NFIA: variants seen among roughly 807,000 people sequenced by gnomAD.
NFIA encodes the protein nuclear factor I A.
Under a neutral mutation model 62.8 loss-of-function variants are expected in NFIA, and 8 were observed. That is an observed-to-expected ratio of 0.13 (90% CI 0.07 to 0.23). The LOEUF (loss-of-function observed/expected upper bound fraction) is 0.23, where lower values mean the gene tolerates loss of function less well. Ranked by LOEUF, NFIA falls within the 10% of genes least tolerant of loss-of-function variation. The pLI, the probability that NFIA is intolerant of heterozygous loss-of-function variation, is 1.00. For missense variants in NFIA, 410 were observed against 642.1 expected (o/e 0.64, Z 3.91); for synonymous variants, 235 against 238.1 (o/e 0.99, Z 0.12).
chr1:61,100,973 C>T (rs1401228414), intron 2 of NFIA, among the ~76,000 whole-genome samples: 4 of 150,526 alleles, frequency 2.7e-5, no homozygotes, highest in Non-Finnish European at 5.9e-5. Flanking sequence ...TGGTATATGT[C>T]GAGGAATTCT....
chr1:61,333,834 C>T (rs1246480566), intron 4 of NFIA, among the ~76,000 whole-genome samples: 2 of 152,054 alleles, frequency 1.3e-5, no homozygotes, highest in East Asian at 3.9e-4. Context: ...CCCGTCTCGA[C>T]TAAAAATACA....
chr1:61,219,125 G>A (rs1653840114), intron 2 of NFIA, among the ~76,000 whole-genome samples: 1 of 151,456 alleles, frequency 6.6e-6, no homozygotes, highest in South Asian at 2.1e-4. Context: ...CCAGTTACTC[G>A]AGAGGCTGAG....
intron 10 of NFIA, among the ~76,000 whole-genome samples, chr1:61,438,284 C>G (rs1248541849): frequency 1.3e-5 from 2 of 152,128 alleles, no homozygotes; most frequent in Admixed American, 6.5e-5. Context: ...AAGACTCAGT[C>G]TAGTTAGGAT....
chr1:61,267,831 T>G (rs1657267225), intron 2 of NFIA, among the ~76,000 whole-genome samples: 1 of 152,304 alleles, frequency 6.6e-6, no homozygotes, highest in Non-Finnish European at 1.5e-5. Flanking sequence ...TTATCCTGAT[T>G]AGGAGCTTTT....
chr1:61,404,138 C>T lies in NFIA; in HGVS notation c.1110C>T (p.Phe370=). ...SPHATPSTLH[F]PTSPIIQQPG... ...ATGCAACACCATCGACTCTTCATTTCCCGACATCACCCATTATCCAGCAGC... is the reference window on the plus strand; with the variant it reads ...ATGCAACACCATCGACTCTTCATTTTCCGACATCACCCATTATCCAGCAGC... The change falls in exon 8 of 11, where the codon TTC becomes TTT. Residue 370 remains phenylalanine, a synonymous_variant. Coordinates refer to ENST00000403491, the MANE Select transcript of NFIA (RefSeq NM_001134673.4). The T allele has an allele frequency of 6.2e-7, 1 of 1,614,168 alleles. No individual in the cohort carries two copies. Among genetic ancestry groups the T allele is most frequent in the Non-Finnish European group, 8.5e-7 (1 of 1,180,022 alleles).
intron 3 of NFIA, among the ~76,000 whole-genome samples, chr1:61,308,682 C>T (rs940661746): frequency 6.6e-6 from 1 of 152,182 alleles, no homozygotes; most frequent in African/African-American, 2.4e-5. Flanking sequence ...TCAAGCAAAT[C>T]ATTTAAACTT....
chr1:61,237,009 A>G (rs1361942606), intron 2 of NFIA, among the ~76,000 whole-genome samples: 1 of 152,154 alleles, frequency 6.6e-6, no homozygotes, highest in Non-Finnish European at 1.5e-5. Flanking sequence ...TCTCAAGTCC[A>G]GTCTAATATA....
At chr1:61,379,975 T>A (rs955772568) in intron 6 of NFIA, among the ~76,000 whole-genome samples, 1 of 152,210 alleles carries the variant, frequency 6.6e-6, no homozygotes, top group Non-Finnish European at 1.5e-5. Context: ...TGAAAGCCAC[T>A]ACATGACTAG....
chr1:61,201,721 A>G (rs1006141765), intron 2 of NFIA, among the ~76,000 whole-genome samples: 6 of 152,142 alleles, frequency 3.9e-5, no homozygotes, highest in African/African-American at 1.4e-4. Flanking sequence ...CTATTAGACA[A>G]AGCGAAGGCA....
At chr1:61,136,605 T>G (rs947502112) in intron 2 of NFIA, among the ~76,000 whole-genome samples, 2 of 152,208 alleles carry the variant, frequency 1.3e-5, no homozygotes, top group Non-Finnish European at 2.9e-5. Context: ...GATTTAGAAA[T>G]TAATTTTATT....
chr1:61,283,581 CAAA>C (rs576613886), intron 3 of NFIA, among the ~76,000 whole-genome samples: 54 of 36,686 alleles, frequency 1.5e-3, no homozygotes, highest in Middle Eastern at 0.021. Context: ...GACTCTGTCT[CAAA>C]AAAAAAAAAA....
chr1:61,225,432 G>A (rs1035512731), intron 2 of NFIA, among the ~76,000 whole-genome samples: 3 of 151,826 alleles, frequency 2.0e-5, no homozygotes, highest in Non-Finnish European at 4.4e-5. Context: ...TGTATTTTTA[G>A]TAGAGACGGG....
At chr1:61,218,200 C>T (rs1035365348) in intron 2 of NFIA, among the ~76,000 whole-genome samples, 3 of 152,134 alleles carry the variant, frequency 2.0e-5, no homozygotes, top group African/African-American at 4.8e-5. Context: ...TTTTGTAAGG[C>T]GTTGCTGATT....
intron 6 of NFIA, among the ~76,000 whole-genome samples, chr1:61,377,222 C>CAATAA (rs71050123): frequency 1.3e-5 from 2 of 150,366 alleles, no homozygotes; most frequent in Non-Finnish European, 1.5e-5. Flanking sequence ...GACTCCATCT[C>CAATAA]AAAAAAAAGA....
intron 3 of NFIA, among the ~76,000 whole-genome samples, chr1:61,305,684 G>A (rs1339473150): frequency 6.6e-6 from 1 of 152,014 alleles, no homozygotes; most frequent in Non-Finnish European, 1.5e-5. Context: ...CTGTCTTCAG[G>A]GCTTGCCCTC....
At chr1:61,282,171 C>T (rs1382920616) in intron 3 of NFIA, among the ~76,000 whole-genome samples, 1 of 152,012 alleles carries the variant, frequency 6.6e-6, no homozygotes, top group Non-Finnish European at 1.5e-5. Context: ...CCCCTTCCTG[C>T]CCGCCCCCAC....
intron 6 of NFIA, among the ~76,000 whole-genome samples, chr1:61,362,458 A>G (rs1569616198): frequency 6.6e-6 from 1 of 152,258 alleles, no homozygotes. Flanking sequence ...GTTTCCGTTT[A>G]CCTGCCTTAA....
chr1:61,378,381 G>A (rs932381355), intron 6 of NFIA, among the ~76,000 whole-genome samples: 1 of 152,032 alleles, frequency 6.6e-6, no homozygotes, highest in African/African-American at 2.4e-5. Context: ...CTAAGAATAC[G>A]TCTTACCGTT....
At chr1:61,346,064 G>A (rs943247455) in intron 4 of NFIA, among the ~76,000 whole-genome samples, 7 of 152,088 alleles carry the variant, frequency 4.6e-5, no homozygotes, top group South Asian at 2.1e-4. Context: ...ATCTCTCCCC[G>A]TCCTATACTA....
Sources: allele counts gnomAD v4.1 joint callset (sites outside exome capture counted in the v4.1 genomes callset), GRCh38; gene constraint gnomAD v4.1.1; transcripts MANE v1.5; gene names NCBI Gene and HGNC (gene_info 2026-07-23, HGNC 2026-07-21).